The following LRRC4C variants were observed in gnomAD, a reference collection of about 807,000 sequenced individuals.
The protein encoded by LRRC4C is leucine rich repeat containing 4C.
Under a neutral mutation model 33.6 loss-of-function variants are expected in LRRC4C, and 5 were observed. The observed-to-expected ratio is 0.15, with a 90% CI of 0.08 to 0.31. LRRC4C has a LOEUF of 0.31. Among genes scored for constraint, LRRC4C ranks in the 10% least tolerant of loss-of-function variants. The pLI is 1.00. For missense variants in LRRC4C, 560 were observed against 796.7 expected (o/e 0.70, Z 3.58); for synonymous variants, 329 against 302.0 (o/e 1.09, Z -0.93).
At chr11:40,467,744 T>G (rs1440429775) in intron 3 of LRRC4C, among the ~76,000 whole-genome samples, 1 of 152,190 alleles carries the variant, frequency 6.6e-6, no homozygotes, top group African/African-American at 2.4e-5. Context: ...ACTGCCTAAC[T>G]GTGGCAAGAA....
intron 3 of LRRC4C, among the ~76,000 whole-genome samples, chr11:40,385,541 G>C (rs922439024): frequency 1.3e-5 from 2 of 152,086 alleles, no homozygotes; most frequent in Non-Finnish European, 2.9e-5. Context: ...GACTACTAGA[G>C]GGGGAGGGTG....
rs1010515097 is a variant in LRRC4C, at chr11:41,141,584, G to A, written c.-495-207861C>T. Among the ~76,000 whole-genome samples, 7 of 152,016 alleles carry A rather than the reference G, an allele frequency of 4.6e-5. No individual in the cohort carries two copies. In the South Asian group the frequency reaches 6.2e-4, roughly 14 times the overall value. ...CAGGACCAGTGGAGATAATTGAATC[G>A]TGGGAGCGGTTTCTTCCATGCTCTT... On this transcript the variant is annotated intron_variant, in intron 1 of 6. Transcript: ENST00000528697.
At chr11:40,609,132 C>A (rs1283376393) in intron 3 of LRRC4C, among the ~76,000 whole-genome samples, 1 of 151,950 alleles carries the variant, frequency 6.6e-6, no homozygotes, top group Non-Finnish European at 1.5e-5. Context: ...TTCTCAAGGG[C>A]ACATAGAATA....
chr11:40,114,433 T>C lies in LRRC4C; in HGVS notation c.1860A>G (p.Ser620=). The C allele has an allele frequency of 6.2e-7, 1 of 1,614,176 alleles. No individual in the cohort carries two copies. Among genetic ancestry groups the C allele is most frequent in the Non-Finnish European group, 8.5e-7 (1 of 1,180,020 alleles). Residue 620 remains serine, a synonymous_variant, in exon 7 of 7, where the codon TCA becomes TCG. Transcript: ENST00000528697. ...TTCGGATCAATAACGGTTCATGCAC[T>C]GAACTGTGTATTGAATTTATTGTGT... ...TVNTINSIHS[S]VHEPLLIRMN... is the part of the protein sequence containing the mutation.
chr11:40,751,332 C>T (rs7113038), intron 2 of LRRC4C, among the ~76,000 whole-genome samples: 10,360 of 152,104 alleles, frequency 0.068, 582 homozygotes, highest in African/African-American at 0.16. Flanking sequence ...CAAATTGCCC[C>T]TCTGCTGCTG....
At chr11:40,394,144 G>GACA (rs1949445888) in intron 3 of LRRC4C, among the ~76,000 whole-genome samples, 1 of 152,064 alleles carries the variant, frequency 6.6e-6, no homozygotes, top group Non-Finnish European at 1.5e-5. Flanking sequence ...CAAATAGAGT[G>GACA]ACAGCAAGAA....
chr11:40,156,002 C>T (rs1276618874), intron 5 of LRRC4C, among the ~76,000 whole-genome samples: 1 of 152,052 alleles, frequency 6.6e-6, no homozygotes, highest in African/African-American at 2.4e-5. Context: ...GATAATCCAC[C>T]ATGATCAAGT....
At chr11:41,459,081 C>T (rs1956257778) in intron 1 of LRRC4C, among the ~76,000 whole-genome samples, 1 of 152,128 alleles carries the variant, frequency 6.6e-6, no homozygotes, top group African/African-American at 2.4e-5. Context: ...GAGCCTCTGC[C>T]AGTCGCTTTT....
At chr11:41,126,992 A>T (rs1942774775) in intron 1 of LRRC4C, among the ~76,000 whole-genome samples, 1 of 152,158 alleles carries the variant, frequency 6.6e-6, no homozygotes, top group Admixed American at 6.5e-5. Context: ...GCAACAATAG[A>T]TTACTTCTAT....
At position 40,921,527 on chromosome 11, in the gene LRRC4C, C is replaced by G. The variant is rs528111397; in HGVS notation, c.-407+12108G>C. ...ATCACCAAGAAGAGAATGCAGTCCTCTTGACATCTTCAGTTTAGCTCAGTA... is the reference window on the plus strand; with the variant it reads ...ATCACCAAGAAGAGAATGCAGTCCTGTTGACATCTTCAGTTTAGCTCAGTA... On this transcript the variant is annotated intron_variant, in intron 2 of 6. Transcript: ENST00000528697. 3.9e-5 allele frequency among the ~76,000 whole-genome samples: 6 copies of G among 152,202 alleles called. No individual in the cohort carries two copies. In the East Asian group the frequency reaches 9.7e-4, roughly 25 times the overall value.
At chr11:40,582,358 T>C (rs1958505507) in intron 3 of LRRC4C, among the ~76,000 whole-genome samples, 1 of 152,146 alleles carries the variant, frequency 6.6e-6, no homozygotes, top group Non-Finnish European at 1.5e-5. Context: ...TTTTCTATAC[T>C]TAGAAGTTTT....
At chr11:40,886,406 TACACAC>T (rs10629266) in intron 2 of LRRC4C, among the ~76,000 whole-genome samples, 29 of 145,542 alleles carry the variant, frequency 2.0e-4, no homozygotes, top group South Asian at 9.0e-4. Context: ...TTTCAAATGC[TACACAC>T]ACACACACAC....
At chr11:40,492,762 C>G (rs555867330) in intron 3 of LRRC4C, among the ~76,000 whole-genome samples, 84 of 152,176 alleles carry the variant, frequency 5.5e-4, no homozygotes, top group African/African-American at 1.9e-3. Context: ...ACAGGCTTTA[C>G]CTATGCCTCA....
intron 3 of LRRC4C, among the ~76,000 whole-genome samples, chr11:40,509,976 T>TA (rs2135126276): frequency 6.6e-6 from 1 of 152,138 alleles, no homozygotes; most frequent in African/African-American, 2.4e-5. Flanking sequence ...AAATATAACT[T>TA]TATTGAGTGC....
At chr11:40,547,420 G>C (rs10768607) in intron 3 of LRRC4C, among the ~76,000 whole-genome samples, 85,512 of 151,828 alleles carry the variant, frequency 0.56, 24,441 homozygotes, top group East Asian at 0.79. Flanking sequence ...GTACGCAAGG[G>C]TTACAAGCAG....
intron 3 of LRRC4C, among the ~76,000 whole-genome samples, chr11:40,409,463 T>C (rs951533531): frequency 6.6e-6 from 1 of 151,744 alleles, no homozygotes; most frequent in African/African-American, 2.4e-5. Flanking sequence ...ACCTATAAAA[T>C]GGAAGAAAAC....
At chr11:41,160,504 G>T (rs1377307847) in intron 1 of LRRC4C, among the ~76,000 whole-genome samples, 1 of 151,552 alleles carries the variant, frequency 6.6e-6, no homozygotes, top group Non-Finnish European at 1.5e-5. Context: ...TGAAAATTTT[G>T]TCCTGAACAT....
intron 1 of LRRC4C, among the ~76,000 whole-genome samples, chr11:40,978,584 C>T (rs928190768): frequency 2.6e-5 from 4 of 151,714 alleles, no homozygotes; most frequent in African/African-American, 9.7e-5. Context: ...GCTGATAAAT[C>T]CTACTATAAC....
chr11:40,854,239 T>A (rs551923037), intron 2 of LRRC4C, among the ~76,000 whole-genome samples: 37 of 152,284 alleles, frequency 2.4e-4, no homozygotes, highest in African/African-American at 8.7e-4. Context: ...GGCAGTGTTA[T>A]GGAATCGATT....
Sources: gnomAD v4.1 joint callset for allele counts (sites outside exome capture counted in the v4.1 genomes callset) on GRCh38, gnomAD v4.1.1 for gene constraint, MANE v1.5 for transcripts, NCBI Gene and HGNC (gene_info 2026-07-23, HGNC 2026-07-21) for gene names.